The following TAFA4 variants were observed in gnomAD, a reference collection of about 807,000 sequenced individuals.
The protein encoded by TAFA4 is TAFA chemokine like family member 4.
A neutral mutation model predicts 21.1 loss-of-function variants in TAFA4; 20 were observed. That is an observed-to-expected ratio of 0.95 (90% confidence interval 0.67 to 1.38). The LOEUF is 1.38. TAFA4 is among the 40% of genes most tolerant of loss of function. TAFA4 has a pLI of 0.00. For missense variants in TAFA4, 211 were observed against 180.9 expected (o/e 1.17, Z -0.95); for synonymous variants, 71 against 67.4 (o/e 1.05, Z -0.26).
chr3:68,838,647 G>GT (rs1352803851), intron 3 of TAFA4, among the ~76,000 whole-genome samples: 1 of 152,064 alleles, frequency 6.6e-6, no homozygotes, highest in Non-Finnish European at 1.5e-5. Flanking sequence ...ATTCTCTCAG[G>GT]TTTTTTACCC....
chr3:68,819,649 C>G (rs996385523), intron 3 of TAFA4, among the ~76,000 whole-genome samples: 4 of 152,026 alleles, frequency 2.6e-5, no homozygotes, highest in Non-Finnish European at 4.4e-5. Flanking sequence ...GTCCAAGGAC[C>G]TGAATAGATA....
At chr3:68,739,027 C>T (rs753008669) in intron 5 of TAFA4, 48 bp downstream of exon 5, 1 of 1,604,258 alleles carries the variant, frequency 6.2e-7, no homozygotes. Context: ...GGAGAAAGCC[C>T]CACAGTTGAT....
intron 3 of TAFA4, among the ~76,000 whole-genome samples, chr3:68,831,638 G>A (rs146146096): frequency 6.6e-6 from 1 of 152,222 alleles, no homozygotes; most frequent in East Asian, 1.9e-4. Flanking sequence ...TTTCAACCTT[G>A]GTGAATCTGG....
At chr3:68,851,647 T>G (rs1704953457) in intron 3 of TAFA4, among the ~76,000 whole-genome samples, 1 of 152,110 alleles carries the variant, frequency 6.6e-6, no homozygotes, top group African/African-American at 2.4e-5. Context: ...CTCAAATCTA[T>G]CAATATGCAC....
chr3:68,863,418 T>A (rs2089376522), intron 3 of TAFA4, among the ~76,000 whole-genome samples: 1 of 152,128 alleles, frequency 6.6e-6, no homozygotes, highest in Non-Finnish European at 1.5e-5. Flanking sequence ...CAACACATGC[T>A]TGGAAAATGA....
intron 1 of TAFA4, among the ~76,000 whole-genome samples, chr3:68,902,138 C>T (rs1196588381): frequency 2.6e-5 from 4 of 152,168 alleles, no homozygotes; most frequent in African/African-American, 9.7e-5. Flanking sequence ...CTATCAGTAT[C>T]CCCATTTTAC....
At chr3:68,816,711 G>T (rs1040116108) in intron 3 of TAFA4, among the ~76,000 whole-genome samples, 1 of 152,026 alleles carries the variant, frequency 6.6e-6, no homozygotes, top group African/African-American at 2.4e-5. Flanking sequence ...CTGAGATATT[G>T]CAAGTTCAGT....
intron 3 of TAFA4, among the ~76,000 whole-genome samples, chr3:68,775,659 T>C (rs1274196535): frequency 1.3e-5 from 2 of 152,050 alleles, no homozygotes; most frequent in Non-Finnish European, 2.9e-5. Flanking sequence ...AAATGTACTC[T>C]GGTAATACAG....
intron 3 of TAFA4, among the ~76,000 whole-genome samples, chr3:68,857,869 T>G (rs1413401811): frequency 4.6e-5 from 7 of 152,080 alleles, no homozygotes; most frequent in Non-Finnish European, 7.4e-5. Context: ...AGAGCCATAT[T>G]ACCTGAAGAA....
intron 3 of TAFA4, among the ~76,000 whole-genome samples, chr3:68,878,922 C>T (rs908228297): frequency 7.2e-5 from 11 of 152,016 alleles, no homozygotes; most frequent in Non-Finnish European, 1.2e-4. Context: ...ACACACCTAC[C>T]GTAACACCCA....
intron 3 of TAFA4, among the ~76,000 whole-genome samples, chr3:68,843,001 T>A (rs1453620527): frequency 6.6e-6 from 1 of 152,206 alleles, no homozygotes; most frequent in Non-Finnish European, 1.5e-5. Flanking sequence ...TCACTTAGGA[T>A]TGTCTTGGCT....
At position 68,885,180 on chromosome 3, in the gene TAFA4, G is replaced by A. The variant is rs1286176751; in HGVS notation, c.9C>T (p.Ser3=). 2.5e-6 allele frequency: 4 copies of A among 1,612,444 alleles called. No individual in the cohort carries two copies. In the Admixed American group the frequency reaches 5.0e-5, roughly 20 times the overall value. Residue 3 remains serine, a synonymous_variant, in exon 2 of 6, where the codon TCC becomes TCT. Coordinates refer to ENST00000295569, the MANE Select transcript of TAFA4 (RefSeq NM_182522.5). The part of the protein sequence containing the change: MR[S]PRMRVCAKSV... ...GAACGTTAAAATAATCTTACCTTGG[G>A]GACCTCATAAGATGTGGTTCTAGTC...
chr3:68,781,505 C>T (rs1447291609), intron 3 of TAFA4, among the ~76,000 whole-genome samples: 1 of 151,966 alleles, frequency 6.6e-6, no homozygotes, highest in Non-Finnish European at 1.5e-5. Context: ...CAACTTCGTG[C>T]CAATAAGTTT....
At chr3:68,880,430 A>T (rs1243887951) in intron 3 of TAFA4, among the ~76,000 whole-genome samples, 1 of 152,122 alleles carries the variant, frequency 6.6e-6, no homozygotes, top group Non-Finnish European at 1.5e-5. Flanking sequence ...GTATGCACAC[A>T]CACACACACG....
intron 3 of TAFA4, among the ~76,000 whole-genome samples, chr3:68,780,092 T>G (rs1317581334): frequency 6.6e-6 from 1 of 152,228 alleles, no homozygotes; most frequent in African/African-American, 2.4e-5. Flanking sequence ...CCACTGAATT[T>G]AGGACTTGCA....
At chr3:68,928,164 TA>T (rs1040810270) in intron 1 of TAFA4, among the ~76,000 whole-genome samples, 8 of 152,166 alleles carry the variant, frequency 5.3e-5, no homozygotes, top group Non-Finnish European at 1.0e-4. Context: ...AAAGAATGAC[TA>T]AAAAAGATTC....
chr3:68,903,670 T>C (rs1284767038), intron 1 of TAFA4, among the ~76,000 whole-genome samples: 1 of 152,196 alleles, frequency 6.6e-6, no homozygotes, highest in Non-Finnish European at 1.5e-5. Context: ...TCATTTTAGG[T>C]TCAGAGGTGT....
chr3:68,833,797 T>A (rs1704456703), intron 3 of TAFA4, among the ~76,000 whole-genome samples: 1 of 152,178 alleles, frequency 6.6e-6, no homozygotes, highest in African/African-American at 2.4e-5. Flanking sequence ...CAGTTTATTG[T>A]TTCATAAAAT....
chr3:68,792,802 C>T (rs1172818377), intron 3 of TAFA4, among the ~76,000 whole-genome samples: 1 of 152,138 alleles, frequency 6.6e-6, no homozygotes, highest in Non-Finnish European at 1.5e-5. Context: ...GAACAAAATA[C>T]ATTCTGAAGA....
Sources: gnomAD v4.1 joint callset for allele counts (sites outside exome capture counted in the v4.1 genomes callset) on GRCh38, gnomAD v4.1.1 for gene constraint, MANE v1.5 for transcripts, NCBI Gene and HGNC (gene_info 2026-07-23, HGNC 2026-07-21) for gene names.